SLC44A5: variants seen among roughly 807,000 people sequenced by gnomAD.
The protein encoded by SLC44A5 is solute carrier family 44 member 5.
In SLC44A5, 57 loss-of-function variants were observed where a neutral mutation model predicts 101.8. That is an observed-to-expected ratio of 0.56 (90% confidence interval 0.45 to 0.70). The LOEUF is 0.70. SLC44A5 is among the 30% of genes least tolerant of loss of function. The pLI, the probability that SLC44A5 is intolerant of heterozygous loss-of-function variation, is 0.00. For synonymous variants in SLC44A5, 281 were observed against 290.9 expected, an observed-to-expected ratio of 0.97 and a Z score of 0.35; for missense variants, 737 against 853.1, an observed-to-expected ratio of 0.86 and a Z score of 1.70.
upstream of SLC44A5, among the ~76,000 whole-genome samples, chr1:75,615,656 A>G (rs988345525): frequency 1.3e-5 from 2 of 151,710 alleles, no homozygotes; most frequent in African/African-American, 2.4e-5. Flanking sequence ...AGGGGCACAA[A>G]CTCCTGTCAG....
intron 1 of SLC44A5, among the ~76,000 whole-genome samples, chr1:75,559,421 C>T (rs564578831): frequency 6.6e-6 from 1 of 152,188 alleles, no homozygotes; most frequent in South Asian, 2.1e-4. Flanking sequence ...AAAAGGAAAG[C>T]TCTGGCTATC....
At chr1:75,264,128 TAAAA>T (rs60140695) in intron 6 of SLC44A5, among the ~76,000 whole-genome samples, 62 of 141,602 alleles carry the variant, frequency 4.4e-4, no homozygotes, top group Admixed American at 9.1e-4. Context: ...TTAAAGTATT[TAAAA>T]AAAAAAAAAA....
chr1:75,640,433 T>A, the SLC44A5 span, among the ~76,000 whole-genome samples: 1 of 151,970 alleles, frequency 6.6e-6, no homozygotes, highest in African/African-American at 2.4e-5. Context: ...AAGTCAATGG[T>A]CAAGCCCAGA....
At chr1:75,466,262 T>C (rs1010349369) in intron 2 of SLC44A5, among the ~76,000 whole-genome samples, 1 of 152,094 alleles carries the variant, frequency 6.6e-6, no homozygotes, top group Non-Finnish European at 1.5e-5. Context: ...ATTAACAGAA[T>C]GAAGGACAAA....
At chr1:75,415,740 G>A (rs1461958052) in intron 2 of SLC44A5, among the ~76,000 whole-genome samples, 1 of 152,150 alleles carries the variant, frequency 6.6e-6, no homozygotes, top group Admixed American at 6.5e-5. Flanking sequence ...AGTGGTCTCA[G>A]ATGGAAATGA....
At chr1:75,656,181 C>T in the SLC44A5 span, among the ~76,000 whole-genome samples, 2 of 152,116 alleles carry the variant, frequency 1.3e-5, no homozygotes, top group African/African-American at 2.4e-5. Context: ...AACATGAAGA[C>T]AAAATAAAGA....
the SLC44A5 span, among the ~76,000 whole-genome samples, chr1:75,644,934 T>C: frequency 3.3e-5 from 5 of 152,164 alleles, no homozygotes; most frequent in Non-Finnish European, 5.9e-5. Flanking sequence ...GCTTCATCCA[T>C]GTCCCTCCAA....
At chr1:75,535,546 G>A (rs1670950973) in intron 2 of SLC44A5, among the ~76,000 whole-genome samples, 1 of 152,172 alleles carries the variant, frequency 6.6e-6, no homozygotes, top group Non-Finnish European at 1.5e-5. Context: ...GGTGTACCAT[G>A]AATTGGGGTC....
the SLC44A5 span, among the ~76,000 whole-genome samples, chr1:75,693,092 G>C: frequency 5.0e-3 from 764 of 152,330 alleles, 9 homozygotes; most frequent in East Asian, 0.014. Flanking sequence ...ATGGATTGGA[G>C]ATCCTAGTGG....
At chr1:75,346,351 A>G (rs766181959) in intron 3 of SLC44A5, among the ~76,000 whole-genome samples, 5 of 152,154 alleles carry the variant, frequency 3.3e-5, no homozygotes, top group Non-Finnish European at 7.3e-5. Context: ...CATCATTTGA[A>G]ATAATTTGCT....
chr1:75,363,911 C>T (rs540663179), intron 3 of SLC44A5, among the ~76,000 whole-genome samples: 3 of 152,268 alleles, frequency 2.0e-5, no homozygotes, highest in South Asian at 4.1e-4. Context: ...TTGTGTTCCT[C>T]ATTCCTGAAG....
rs574629745 is a variant in SLC44A5, at chr1:75,480,618, C to T, written c.13+60817G>A. Among the ~76,000 whole-genome samples the T allele has an allele frequency of 1.9e-3, 286 of 152,072 alleles. 2 individuals carry two copies. Among genetic ancestry groups the T allele is most frequent in the African/African-American group, 6.3e-3 (262 of 41,446 alleles). On this transcript the variant is annotated intron_variant, in intron 2 of 23. Coordinates refer to ENST00000370859, the MANE Select transcript of SLC44A5 (RefSeq NM_001130058.2). ...TTCTTATACACCAATAACAGACAAACGGAGAGCCAAATCATGAGTGAACTC... is the reference window on the plus strand; with the variant it reads ...TTCTTATACACCAATAACAGACAAATGGAGAGCCAAATCATGAGTGAACTC...
At chr1:75,641,815 C>T in the SLC44A5 span, 1 of 1,511,572 alleles carries the variant, frequency 6.6e-7, no homozygotes, top group South Asian at 1.1e-5. Flanking sequence ...CACATAAAGG[C>T]CAGTTTTCCA....
intron 4 of SLC44A5, among the ~76,000 whole-genome samples, chr1:75,312,889 A>G (rs1655419863): frequency 6.6e-6 from 1 of 152,152 alleles, no homozygotes. Flanking sequence ...CATTTGGATG[A>G]TTACAAGTTG....
intron 1 of SLC44A5, among the ~76,000 whole-genome samples, chr1:75,581,535 C>T (rs1673697705): frequency 6.6e-6 from 1 of 152,178 alleles, no homozygotes; most frequent in Non-Finnish European, 1.5e-5. Flanking sequence ...ATAATGAAAA[C>T]TCTTCTATGA....
chr1:75,399,816 G>T (rs142079198), intron 2 of SLC44A5, among the ~76,000 whole-genome samples: 4 of 152,230 alleles, frequency 2.6e-5, no homozygotes, highest in African/African-American at 9.6e-5. Flanking sequence ...TTGACTTTCT[G>T]TAATGCATGT....
chr1:75,236,916 T>A (rs1173776745), intron 11 of SLC44A5, 71 bp downstream of exon 11: 4 of 789,012 alleles, frequency 5.1e-6, no homozygotes, highest in Non-Finnish European at 6.0e-6. Flanking sequence ...ATATAAAATT[T>A]GAAGAAAGAG....
At chr1:75,529,856 T>C (rs575536824) in intron 2 of SLC44A5, among the ~76,000 whole-genome samples, 1 of 152,264 alleles carries the variant, frequency 6.6e-6, no homozygotes, top group African/African-American at 2.4e-5. Flanking sequence ...CATTCCCTCC[T>C]TTTCAAAATT....
At chr1:75,620,677 G>T in the SLC44A5 span, among the ~76,000 whole-genome samples, 11 of 152,122 alleles carry the variant, frequency 7.2e-5, no homozygotes, top group South Asian at 1.9e-3. Context: ...TGATAGGGTT[G>T]TTTGTTTTTT....
Sources: allele counts gnomAD v4.1 joint callset (sites outside exome capture counted in the v4.1 genomes callset), GRCh38; gene constraint gnomAD v4.1.1; transcripts MANE v1.5; gene names NCBI Gene and HGNC (gene_info 2026-07-23, HGNC 2026-07-21).